Variants in XYLT1 observed in about 807,000 individuals in gnomAD.
XYLT1 encodes xylosyltransferase 1, also known as beta-D-xylosyltransferase 1.
In XYLT1, 36 loss-of-function variants were observed where a neutral mutation model predicts 91.3. The ratio of observed to expected loss-of-function variants is 0.39; its 90% CI spans 0.30 to 0.52. The LOEUF is 0.52. XYLT1 is among the 20% of genes least tolerant of loss of function. The pLI is 0.68. For missense variants in XYLT1, 1,242 were observed against 1,284.5 expected (o/e 0.97, Z 0.51); for synonymous variants, 588 against 532.0 (o/e 1.11, Z -1.45).
intron 2 of XYLT1, among the ~76,000 whole-genome samples, 188 bp downstream of exon 2, chr16:17,357,824 C>T (rs2035322627): frequency 6.6e-6 from 1 of 152,204 alleles, no homozygotes; most frequent in Admixed American, 6.5e-5. Context: ...CCATGCACAC[C>T]CACACCATTG....
chr16:17,427,802 A>G (rs1012351372), intron 1 of XYLT1, among the ~76,000 whole-genome samples: 1 of 152,018 alleles, frequency 6.6e-6, no homozygotes, highest in East Asian at 1.9e-4. Context: ...AGCCAGCTAC[A>G]TACATTTCAC....
At position 17,106,064 on chromosome 16, in the gene XYLT1, T is replaced by G. The variant is rs1364764946; in HGVS notation, c.*2631A>C. 1 of 152,136 alleles carries G rather than the reference T, an allele frequency of 6.6e-6. No individual in the cohort carries two copies. The highest frequency in any genetic ancestry group is 1.9e-4 in the East Asian group (1 of 5,200). 9.4% of individuals were successfully genotyped at this position (152,136 alleles called of 1,614,324 possible). A position where few individuals can be genotyped will look rare whatever the true frequency, so the allele number is the denominator to read the frequency against. On this transcript the variant is annotated 3_prime_UTR_variant, in exon 12 of 12. Transcript: ENST00000261381. ...CGAATTAGTTGTGGTGAGGAAGAAA[T>G]GAAGCCATGGGAAAAAGGGAAGGGT...
At chr16:17,464,622 C>CAA (rs2141963053) in intron 1 of XYLT1, among the ~76,000 whole-genome samples, 1 of 152,208 alleles carries the variant, frequency 6.6e-6, no homozygotes, top group South Asian at 2.1e-4. Flanking sequence ...ATGAACCTAT[C>CAA]AAAATATCAC....
intron 11 of XYLT1, among the ~76,000 whole-genome samples, chr16:17,112,850 C>CT (rs1223759497): frequency 6.6e-6 from 1 of 152,110 alleles, no homozygotes; most frequent in Non-Finnish European, 1.5e-5. Context: ...TTGATTGATT[C>CT]TTTTTTTGAG....
chr16:17,250,205 C>T (rs1321665241), intron 3 of XYLT1: 1 of 152,218 alleles, frequency 6.6e-6, no homozygotes, highest in African/African-American at 2.4e-5. Flanking sequence ...ACAAGGTGTT[C>T]TCTGCTCTTG....
intron 1 of XYLT1, among the ~76,000 whole-genome samples, chr16:17,376,199 G>GCT (rs2035599067): frequency 6.6e-6 from 1 of 152,182 alleles, no homozygotes; most frequent in Non-Finnish European, 1.5e-5. Flanking sequence ...CTAGAGACAC[G>GCT]CTTATTTGTC....
chr16:17,197,853 G>A (rs1470301370), intron 5 of XYLT1, among the ~76,000 whole-genome samples: 8 of 152,132 alleles, frequency 5.3e-5, no homozygotes, highest in Non-Finnish European at 1.2e-4. Context: ...ACCTCGCCTT[G>A]TGATTGTGTG....
chr16:17,179,225 G>C (rs1414426637), intron 5 of XYLT1, among the ~76,000 whole-genome samples: 1 of 152,146 alleles, frequency 6.6e-6, no homozygotes. Flanking sequence ...GTAGACACCA[G>C]GGTCTCCTTG....
At chr16:17,179,191 C>T (rs942137429) in intron 5 of XYLT1, among the ~76,000 whole-genome samples, 20 of 151,960 alleles carry the variant, frequency 1.3e-4, no homozygotes, top group African/African-American at 4.6e-4. Flanking sequence ...ACATTGAGTA[C>T]ACACGGAAAC....
At chr16:17,141,079 A>T (rs2030958870) in intron 7 of XYLT1, 74 bp downstream of exon 7, 2 of 1,477,650 alleles carry the variant, frequency 1.4e-6, no homozygotes, top group Admixed American at 1.8e-5. Flanking sequence ...TTTGCCAAAA[A>T]TTCAGCATCT....
chr16:17,442,770 C>G (rs967108082), intron 1 of XYLT1, among the ~76,000 whole-genome samples: 2 of 152,216 alleles, frequency 1.3e-5, no homozygotes, highest in Non-Finnish European at 2.9e-5. Context: ...TTTCTGCATC[C>G]TCATTCTTTT....
intron 3 of XYLT1, among the ~76,000 whole-genome samples, chr16:17,222,833 A>G (rs1476111945): frequency 6.7e-6 from 1 of 149,262 alleles, no homozygotes; most frequent in African/African-American, 2.5e-5. Context: ...TCCTCCCTCC[A>G]GATCACCACC....
chr16:17,199,078 G>T (rs2032485194), intron 4 of XYLT1, among the ~76,000 whole-genome samples: 1 of 152,144 alleles, frequency 6.6e-6, no homozygotes, highest in Non-Finnish European at 1.5e-5. Context: ...GCTGCATGGG[G>T]TCTGAGGAAG....
In XYLT1 at chr16:17,103,051, C is replaced by T. The variant is rs899823286; in HGVS notation, c.*5644G>A. Reference sequence around the variant, plus strand: ...TGGGGTTGTCTTTGGCCTCCATCAGCACTGGAGCAATGGAAGGGTAAAGAA... The same window carrying T: ...TGGGGTTGTCTTTGGCCTCCATCAGTACTGGAGCAATGGAAGGGTAAAGAA... On this transcript the variant is annotated 3_prime_UTR_variant, in exon 12 of 12. Coordinates refer to ENST00000261381, the MANE Select transcript of XYLT1 (RefSeq NM_022166.4). 2.0e-5 allele frequency: 3 copies of T among 152,336 alleles called. No homozygotes were observed. The highest frequency in any genetic ancestry group is 4.4e-5 in the Non-Finnish European group (3 of 68,014). The allele number at this position is 152,336 out of a possible 1,614,324, so 9.4% of individuals were successfully genotyped here.
chr16:17,408,706 C>T (rs530076924), intron 1 of XYLT1, among the ~76,000 whole-genome samples: 3 of 152,238 alleles, frequency 2.0e-5, no homozygotes, highest in East Asian at 1.9e-4. Context: ...ATTAGCTGGG[C>T]GTGCTGGCAC....
chr16:17,188,214 T>G (rs1394547318), intron 5 of XYLT1, among the ~76,000 whole-genome samples: 1 of 151,924 alleles, frequency 6.6e-6, no homozygotes, highest in Non-Finnish European at 1.5e-5. Flanking sequence ...TGATCTGGCC[T>G]CCCCACTCCC....
At chr16:17,210,546 C>T (rs1467832983) in intron 3 of XYLT1, among the ~76,000 whole-genome samples, 1 of 152,076 alleles carries the variant, frequency 6.6e-6, no homozygotes, top group Non-Finnish European at 1.5e-5. Flanking sequence ...CATTGCACTC[C>T]AGCCTGGGTG....
intron 1 of XYLT1, among the ~76,000 whole-genome samples, chr16:17,393,510 G>A (rs1419157008): frequency 6.6e-6 from 1 of 152,040 alleles, no homozygotes; most frequent in Non-Finnish European, 1.5e-5. Flanking sequence ...CAATGCCTGT[G>A]TGTACACATA....
chr16:17,427,420 G>A (rs2036333085), intron 1 of XYLT1, among the ~76,000 whole-genome samples: 2 of 152,186 alleles, frequency 1.3e-5, no homozygotes, highest in African/African-American at 2.4e-5. Flanking sequence ...AGCCTCCTGA[G>A]TAGCTGGGAC....
Sources: gnomAD v4.1 joint callset for allele counts (sites outside exome capture counted in the v4.1 genomes callset) on GRCh38, gnomAD v4.1.1 for gene constraint, MANE v1.5 for transcripts, NCBI Gene and HGNC (gene_info 2026-07-23, HGNC 2026-07-21) for gene names.